The following RNF34 variants were observed in gnomAD, a reference collection of about 807,000 sequenced individuals.
RNF34 encodes E3 ubiquitin-protein ligase RNF34.
RNF34 carries 12 observed loss-of-function variants against 37.9 expected under a neutral mutation model. The ratio of observed to expected loss-of-function variants is 0.32; its 90% CI spans 0.20 to 0.51. The LOEUF (loss-of-function observed/expected upper bound fraction) is 0.51. RNF34 is among the 20% of genes least tolerant of loss of function. The probability of loss-of-function intolerance (pLI) is 0.97; values close to 1 mark genes in which losing one functional copy is unlikely to be tolerated. For missense variants in RNF34, 362 were observed against 472.7 expected (o/e 0.77, Z 2.17); for synonymous variants, 155 against 177.2 (o/e 0.87, Z 1.00).
At chr12:121,403,420 A>G (rs1870195429) in intron 1 of RNF34, among the ~76,000 whole-genome samples, 1 of 152,118 alleles carries the variant, frequency 6.6e-6, no homozygotes, top group African/African-American at 2.4e-5. Context: ...AAAACAAAAA[A>G]AAAAAAGGAT....
intron 5 of RNF34, among the ~76,000 whole-genome samples, chr12:121,422,488 T>G (rs1476819275): frequency 6.6e-6 from 1 of 152,208 alleles, no homozygotes; most frequent in East Asian, 1.9e-4. Context: ...ATCCCATAGA[T>G]CCTTTCTCCC....
chr12:121,415,017 G>T (rs2552078), intron 1 of RNF34, among the ~76,000 whole-genome samples: 1 of 151,912 alleles, frequency 6.6e-6, no homozygotes, highest in Non-Finnish European at 1.5e-5. Context: ...AATCGCTTGA[G>T]CCCGGGAGGC....
intron 1 of RNF34, among the ~76,000 whole-genome samples, chr12:121,400,660 G>A (rs1555279887): frequency 6.6e-6 from 1 of 152,238 alleles, no homozygotes; most frequent in Non-Finnish European, 1.5e-5. Context: ...GGTGCAGGGG[G>A]TGGTGAGGCT....
intron 3 of RNF34, 197 bp from the exon 4 acceptor site, chr12:121,420,045 G>A: frequency 4.0e-6 from 2 of 501,438 alleles, no homozygotes; most frequent in East Asian, 3.4e-5. Context: ...TGTGTTTTGA[G>A]CTAACTTTAT....
rs1447603291 is a variant in RNF34 at position 121,423,683 on chromosome 12, CATT to C, written c.*111_*113del. ...TTCAAAGGCTGAAGCTATTTTAAAACATTATTTTGACTACTAAGTGGGGACAGA... is the reference window on the plus strand; with the variant it reads ...TTCAAAGGCTGAAGCTATTTTAAAACATTTTGACTACTAAGTGGGGACAGA... On this transcript the variant is annotated 3_prime_UTR_variant, in exon 6 of 6. Coordinates refer to ENST00000361234, the MANE Select transcript of RNF34 (RefSeq NM_025126.4). This position sits in a 1 kb window ranked among gnomAD's most constrained non-coding sequence, Gnocchi z 4.3. 1.4e-5 allele frequency: 14 copies of C among 974,866 alleles called. No individual in the cohort carries two copies. The East Asian group carries it at 3.5e-4, about 24-fold the overall frequency. 60.4% of individuals were successfully genotyped at this position (974,866 alleles called of 1,614,324 possible). A position where few individuals can be genotyped will look rare whatever the true frequency, so the allele number is the denominator to read the frequency against.
intron 1 of RNF34, among the ~76,000 whole-genome samples, chr12:121,402,106 A>T (rs1033791840): frequency 4.6e-5 from 7 of 152,188 alleles, no homozygotes; most frequent in Non-Finnish European, 1.5e-5. Flanking sequence ...GTAAGGAAAT[A>T]CTTCTTTCTG....
At chr12:121,403,609 G>C (rs1386947969) in intron 1 of RNF34, among the ~76,000 whole-genome samples, 2 of 152,078 alleles carry the variant, frequency 1.3e-5, no homozygotes, top group Non-Finnish European at 2.9e-5. Context: ...ACTGAAGGTT[G>C]TCCAGAGTTT....
intron 5 of RNF34, among the ~76,000 whole-genome samples, chr12:121,422,644 T>C (rs1872265092): frequency 6.6e-6 from 1 of 152,240 alleles, no homozygotes; most frequent in Non-Finnish European, 1.5e-5. Context: ...CAACTATTCA[T>C]GATTCCCTTT....
Position 121,417,670 on chromosome 12 carries a change from A to G in RNF34, c.392A>G (p.Asn131Ser), listed in dbSNP as rs1555282414. ...CTGCGGCAGTATCTCATTCTGAGAA[A>G]TATACCCATAGATACTTGTCGTGAG... is the stretch of plus-strand genomic sequence containing the variant. ...KDLRQYLILR[N>S]IPIDTCREKE... Residue 131 changes from asparagine to serine, a missense_variant, in exon 3 of 6, where the codon AAT becomes AGT. Physicochemically the swap from Asn to Ser is conservative, Grantham distance 46. Coordinates refer to ENST00000361234, the MANE Select transcript of RNF34 (RefSeq NM_025126.4). The surrounding 1 kb of genome is among the most constrained non-coding windows in gnomAD (Gnocchi z 5.0). 1 of 1,614,208 alleles carries G rather than the reference A, an allele frequency of 6.2e-7. No individual in the cohort carries two copies. The highest frequency in any genetic ancestry group is 1.7e-5 in the Admixed American group (1 of 60,020).
chr12:121,420,851 CAATT>C, intron 5 of RNF34, 73 bp downstream of exon 5: 2 of 1,089,360 alleles, frequency 1.8e-6, no homozygotes, highest in South Asian at 2.7e-5. Flanking sequence ...GTTTTTGTCA[CAATT>C]AAGTCAAATT....
rs139546535 is a variant in RNF34 at position 121,422,544 on chromosome 12, C to T, written c.929-842C>T. ...TGGGCCATGAACTAAGACCCCAGAT[C>T]ACAAGAATCTCTCCCCATGAATGGC... On this transcript the variant is annotated intron_variant, in intron 5 of 5. Transcript: ENST00000361234. 5.7e-3 allele frequency among the ~76,000 whole-genome samples: 865 copies of T among 152,328 alleles called. 7 individuals are homozygous for T. The highest frequency in any genetic ancestry group is 0.037 in the Middle Eastern group (11 of 294).
In RNF34 at chr12:121,416,253, G is replaced by A. The variant is rs782648816; in HGVS notation, c.101G>A (p.Gly34Glu). The change falls in exon 2 of 6, where the codon GGA becomes GAA. Residue 34 changes from glycine to glutamate, a missense_variant. Coordinates refer to ENST00000361234, the MANE Select transcript of RNF34 (RefSeq NM_025126.4). ...AGGGGCCAGCAGTCAGCATTTGCAG[G>A]AGCCACCGGTCCATTCAGATTTACA... ...AVRGQQSAFA[G>E]ATGPFRFTPN... 4.3e-6 allele frequency: 7 copies of A among 1,613,950 alleles called. No individual in the cohort carries two copies. The highest frequency in any genetic ancestry group is 5.9e-6 in the Non-Finnish European group (7 of 1,180,018).
chr12:121,404,665 G>A (rs1870351797), intron 1 of RNF34, among the ~76,000 whole-genome samples: 1 of 152,034 alleles, frequency 6.6e-6, no homozygotes, highest in African/African-American at 2.4e-5. Flanking sequence ...TTAGAGGTGT[G>A]AGCTACTGCG....
intron 1 of RNF34, among the ~76,000 whole-genome samples, chr12:121,414,692 A>T (rs968989588): frequency 6.6e-6 from 1 of 152,092 alleles, no homozygotes; most frequent in African/African-American, 2.4e-5. Context: ...TGTTTTTTCG[A>T]GATGGACTCT....
chr12:121,419,637 A>G (rs1871928828), intron 3 of RNF34, among the ~76,000 whole-genome samples: 1 of 152,222 alleles, frequency 6.6e-6, no homozygotes, highest in Non-Finnish European at 1.5e-5. Context: ...TGTCAAATAT[A>G]GTCAAAAGAA....
intron 1 of RNF34, among the ~76,000 whole-genome samples, chr12:121,413,822 G>T (rs1262205089): frequency 6.6e-6 from 1 of 151,692 alleles, no homozygotes; most frequent in South Asian, 2.1e-4. Flanking sequence ...TGATCCACCC[G>T]CCTCAGCCTC....
rs1872311670 is a variant in RNF34, at chr12:121,423,176, C to T, written c.929-210C>T. On this transcript the variant is annotated intron_variant, in intron 5 of 5. Coordinates refer to ENST00000361234, the MANE Select transcript of RNF34 (RefSeq NM_025126.4). The surrounding 1 kb of genome is among the most constrained non-coding windows in gnomAD (Gnocchi z 4.3). ...GGTACGTCAAGCATTTTATTCTTTA[C>T]AAAACCCTGAGGTATAGCTTTTATC... Among the ~76,000 whole-genome samples the T allele has an allele frequency of 6.6e-6, 1 of 152,208 alleles. No individual in the cohort carries two copies. The highest frequency in any genetic ancestry group is 1.5e-5 in the Non-Finnish European group (1 of 68,042).
chr12:121,420,584 G>T lies in RNF34; in HGVS notation c.734G>T (p.Gly245Val). The T allele has an allele frequency of 6.2e-7, 1 of 1,613,966 alleles. No individual in the cohort carries two copies. The highest frequency in any genetic ancestry group is 8.5e-7 in the Non-Finnish European group (1 of 1,179,904). Residue 245 changes from glycine (G) to valine (V), a missense_variant, in exon 5 of 6, where the codon GGG becomes GTG. Transcript: ENST00000361234. ...GATGCTCTGTGGTTTCAGAACCCCG[G>T]GCTCTCCAAGGAGAGAGTGAGAGCT... ...EEENAEDRNPGLSKERVRASL... is the reference protein window; with the variant it reads ...EEENAEDRNPVLSKERVRASL...
At chr12:121,400,363 C>A in intron 1 of RNF34, 145 bp downstream of exon 1, 1 of 1,016,590 alleles carries the variant, frequency 9.8e-7, no homozygotes, top group Non-Finnish European at 1.4e-6. Flanking sequence ...TGCCCGGCTT[C>A]AGGTGCCCCA....
Sources: gnomAD v4.1 joint callset for allele counts (sites outside exome capture counted in the v4.1 genomes callset) on GRCh38, gnomAD v4.1.1 for gene constraint, Gnocchi (gnomAD v3.1) non-coding constraint, MANE v1.5 for transcripts, NCBI Gene and HGNC (gene_info 2026-07-23, HGNC 2026-07-21) for gene names.